Variants in SCFD1 observed in about 807,000 individuals in gnomAD.
SCFD1 encodes the protein sec1 family domain-containing protein 1.
In SCFD1, 37 loss-of-function variants were observed where a neutral mutation model predicts 103.2. The observed-to-expected ratio is 0.36, with a 90% CI of 0.28 to 0.47. SCFD1 has a LOEUF of 0.47. Ranked by LOEUF, SCFD1 falls within the 20% of genes least tolerant of loss-of-function variation. The probability of loss-of-function intolerance (pLI) is 1.00; values close to 1 mark genes in which losing one functional copy is unlikely to be tolerated. For synonymous variants in SCFD1, 264 were observed against 245.0 expected, an observed-to-expected ratio of 1.08 and a Z score of -0.73; for missense variants, 639 against 761.2, an observed-to-expected ratio of 0.84 and a Z score of 1.89.
At chr14:30,644,600 G>A (rs532353775) in intron 7 of SCFD1, among the ~76,000 whole-genome samples, 4 of 152,266 alleles carry the variant, frequency 2.6e-5, no homozygotes, top group African/African-American at 7.2e-5. Flanking sequence ...CTAATGATTA[G>A]TGATGTTGAG....
At chr14:30,645,659 T>C (rs1448139264) in intron 7 of SCFD1, among the ~76,000 whole-genome samples, 1 of 152,186 alleles carries the variant, frequency 6.6e-6, no homozygotes, top group Admixed American at 6.5e-5. Context: ...ATGCTGCTGG[T>C]TTTTGTACAT....
chr14:30,707,375 T>C (rs1171020309), intron 18 of SCFD1, among the ~76,000 whole-genome samples: 1 of 152,170 alleles, frequency 6.6e-6, no homozygotes, highest in Non-Finnish European at 1.5e-5. Flanking sequence ...GTTGTTGTTG[T>C]TTAAAATGTA....
At chr14:30,654,397 AGT>A (rs1347678665) in intron 10 of SCFD1, among the ~76,000 whole-genome samples, 10 of 152,300 alleles carry the variant, frequency 6.6e-5, no homozygotes. Context: ...ATGAAAGCTG[AGT>A]GTAGTGGCTC....
intron 16 of SCFD1, among the ~76,000 whole-genome samples, chr14:30,700,884 A>G (rs1213066214): frequency 6.6e-6 from 1 of 152,212 alleles, no homozygotes; most frequent in East Asian, 1.9e-4. Flanking sequence ...CAGATTTGCT[A>G]TGCTTTTTGA....
At chr14:30,673,064 T>C (rs1244783327) in intron 11 of SCFD1, among the ~76,000 whole-genome samples, 193 bp from the exon 12 acceptor site, 1 of 152,132 alleles carries the variant, frequency 6.6e-6, no homozygotes, top group African/African-American at 2.4e-5. Context: ...AAAGAAATAG[T>C]ATTATATAGA....
At chr14:30,702,823 C>T (rs1594732528) in intron 17 of SCFD1, among the ~76,000 whole-genome samples, 3 of 152,184 alleles carry the variant, frequency 2.0e-5, no homozygotes, top group East Asian at 1.9e-4. Context: ...ATAAAGAGTT[C>T]TTTAAAAATA....
rs190758988 is a variant in SCFD1 at position 30,634,044 on chromosome 14, T to A, written c.312+7T>A. ...TATTGACAGAATGTGCCAGGTAATA[T>A]GGGTTCTTATTTTCTGGACTCCTGA... is the stretch of plus-strand genomic sequence containing the variant. On this transcript the variant is annotated splice_region_variant and intron_variant, in intron 4 of 24. Transcript: ENST00000458591. 29 of 1,507,300 alleles carry A rather than the reference T, an allele frequency of 1.9e-5. No homozygotes were observed. The East Asian group carries it at 3.5e-4, about 18-fold the overall frequency. The allele number at this position is 1,507,300 out of a possible 1,614,324, so 93.4% of individuals were successfully genotyped here. A position where few individuals can be genotyped will look rare whatever the true frequency, so the allele number is the denominator to read the frequency against.
intron 19 of SCFD1, among the ~76,000 whole-genome samples, chr14:30,711,237 G>C (rs1891846489): frequency 6.6e-6 from 1 of 152,094 alleles, no homozygotes; most frequent in Admixed American, 6.5e-5. Context: ...AAAATCCATA[G>C]ATTAAAAAAA....
At chr14:30,645,942 T>TG (rs1885779162) in intron 7 of SCFD1, among the ~76,000 whole-genome samples, 1 of 152,186 alleles carries the variant, frequency 6.6e-6, no homozygotes, top group Non-Finnish European at 1.5e-5. Flanking sequence ...ATTATGACAT[T>TG]GGCTGTGTGT....
chr14:30,731,327 A>G (rs1385107179), intron 23 of SCFD1, among the ~76,000 whole-genome samples: 16 of 152,154 alleles, frequency 1.1e-4, no homozygotes, highest in Non-Finnish European at 2.2e-4. Context: ...TTGACTTGGC[A>G]ATGCAGGCTC....
At chr14:30,656,338 T>C (rs1458175788) in intron 10 of SCFD1, among the ~76,000 whole-genome samples, 1 of 152,212 alleles carries the variant, frequency 6.6e-6, no homozygotes, top group Non-Finnish European at 1.5e-5. Flanking sequence ...AAGTTAATGA[T>C]GCAGGAGATA....
intron 14 of SCFD1, among the ~76,000 whole-genome samples, chr14:30,682,830 G>C (rs1213313476): frequency 1.3e-5 from 2 of 152,096 alleles, no homozygotes; most frequent in Non-Finnish European, 2.9e-5. Context: ...CTGGTTCTAA[G>C]TTCATTGTAG....
chr14:30,722,477 A>G lies in SCFD1; in HGVS notation c.1771-17A>G. 6.5e-7 allele frequency: 1 copy of G among 1,537,416 alleles called. No individual in the cohort carries two copies. The highest frequency in any genetic ancestry group is 8.8e-7 in the Non-Finnish European group (1 of 1,137,294). Reference sequence around the variant, plus strand: ...TAAAAACTGTGTTTTTTTTTTTTTAATCTGTTTGCATTTTAGGCCATTGTT... The same window carrying G: ...TAAAAACTGTGTTTTTTTTTTTTTAGTCTGTTTGCATTTTAGGCCATTGTT... On this transcript the variant is annotated splice_polypyrimidine_tract_variant and intron_variant, in intron 22 of 24. Transcript: ENST00000458591.
intron 15 of SCFD1, among the ~76,000 whole-genome samples, chr14:30,697,795 A>C (rs899856497): frequency 6.6e-6 from 1 of 152,216 alleles, no homozygotes; most frequent in Non-Finnish European, 1.5e-5. Flanking sequence ...TTAAAAAGTA[A>C]CCAAGGCCAT....
At chr14:30,699,937 T>G (rs1032434641) in intron 15 of SCFD1, among the ~76,000 whole-genome samples, 1 of 152,226 alleles carries the variant, frequency 6.6e-6, no homozygotes, top group Non-Finnish European at 1.5e-5. Flanking sequence ...ATCTCAACAT[T>G]ATACACAATT....
intron 4 of SCFD1, among the ~76,000 whole-genome samples, chr14:30,636,746 G>A (rs1884763682): frequency 6.6e-6 from 1 of 151,682 alleles, no homozygotes; most frequent in Admixed American, 6.6e-5. Context: ...TAAGTTTTGT[G>A]CTTCTTTTGT....
At chr14:30,719,272 A>T (rs1892488216) in intron 20 of SCFD1, 53 bp from the exon 21 acceptor site, 1 of 1,139,858 alleles carries the variant, frequency 8.8e-7, no homozygotes, top group Non-Finnish European at 1.3e-6. Context: ...AGCCAAACTG[A>T]CCTTCTGAAG....
At chr14:30,679,805 T>C (rs2139247008) in intron 14 of SCFD1, among the ~76,000 whole-genome samples, 1 of 152,288 alleles carries the variant, frequency 6.6e-6, no homozygotes, top group African/African-American at 2.4e-5. Flanking sequence ...TTTGTGCTGA[T>C]TTGTTTAAAA....
rs546705933 is a variant in SCFD1 at position 30,728,867 on chromosome 14, C to T, written c.1837-5923C>T. 1.4e-4 allele frequency among the ~76,000 whole-genome samples: 19 copies of T among 131,328 alleles called. No homozygotes were observed. In the South Asian group the frequency reaches 3.0e-3, roughly 21 times the overall value. 86.2% of individuals were successfully genotyped at this position (131,328 alleles called of 152,430 possible). A position where few individuals can be genotyped will look rare whatever the true frequency, so the allele number is the denominator to read the frequency against. ...TTTTTTTTTTTTTTTCCCCCCGAGACGGAGTCTCGTTCTGTCACCCAGGCT... is the reference window on the plus strand; with the variant it reads ...TTTTTTTTTTTTTTTCCCCCCGAGATGGAGTCTCGTTCTGTCACCCAGGCT... On this transcript the variant is annotated intron_variant, in intron 23 of 24. Coordinates refer to ENST00000458591, the MANE Select transcript of SCFD1 (RefSeq NM_016106.4).
Sources: gnomAD v4.1 joint callset for allele counts (sites outside exome capture counted in the v4.1 genomes callset) on GRCh38, gnomAD v4.1.1 for gene constraint, MANE v1.5 for transcripts, NCBI Gene and HGNC (gene_info 2026-07-23, HGNC 2026-07-21) for gene names.